Variants in ARHGAP5 observed in about 807,000 individuals in gnomAD.
The protein encoded by ARHGAP5 is rho GTPase-activating protein 5.
A neutral mutation model predicts 116.6 loss-of-function variants in ARHGAP5; 23 were observed. That is an observed-to-expected ratio of 0.20 (90% CI 0.14 to 0.28). The LOEUF (loss-of-function observed/expected upper bound fraction) is 0.28, where lower values mean the gene tolerates loss of function less well. Ranked by LOEUF, ARHGAP5 falls within the 10% of genes least tolerant of loss-of-function variation. ARHGAP5 has a pLI of 1.00. For missense variants in ARHGAP5, 1,405 were observed against 1,774.8 expected (o/e 0.79, Z 3.74); for synonymous variants, 574 against 602.0 (o/e 0.95, Z 0.68).
intron 6 of ARHGAP5, among the ~76,000 whole-genome samples, chr14:32,153,723 G>A (rs1358735006): frequency 2.6e-5 from 4 of 151,592 alleles, no homozygotes; most frequent in African/African-American, 9.7e-5. Flanking sequence ...CGCCTACCTC[G>A]GCCTCCCAAA....
Position 32,091,794 on chromosome 14 carries a change from G to C in ARHGAP5, c.1125G>C (p.Gln375His). The C allele has an allele frequency of 6.2e-7, 1 of 1,613,620 alleles. No homozygotes were observed. The highest frequency in any genetic ancestry group is 1.1e-5 in the South Asian group (1 of 91,062). The change falls in exon 2 of 7, where the codon CAG becomes CAC. Residue 375 changes from glutamine to histidine, a missense_variant. Transcript: ENST00000345122. The stretch of plus-strand genomic sequence containing the variant: ...TAATGGAAAAGAGAGCAGATTTCCA[G>C]TTATGTTTTGTGGTGCTAGAAAAAA... ...LKLMEKRADF[Q>H]LCFVVLEKTP...
chr14:32,104,596 C>T (rs571216325), intron 2 of ARHGAP5, among the ~76,000 whole-genome samples: 2 of 152,262 alleles, frequency 1.3e-5, no homozygotes, highest in South Asian at 4.1e-4. Flanking sequence ...CTGAAGGCTT[C>T]TTTCTTACAC....
chr14:32,143,763 A>C (rs1881246147), intron 3 of ARHGAP5, among the ~76,000 whole-genome samples: 3 of 152,214 alleles, frequency 2.0e-5, no homozygotes, highest in Admixed American at 2.0e-4. Context: ...TAGTGTGGAT[A>C]GTTAAGGGCC....
chr14:32,154,790 A>G lies in ARHGAP5; in HGVS notation c.4351A>G (p.Asn1451Asp). The change falls in exon 7 of 7, where the codon AAT becomes GAT. Residue 1451 changes from asparagine (N) to aspartate (D), a missense_variant. Coordinates refer to ENST00000345122, the MANE Select transcript of ARHGAP5 (RefSeq NM_001030055.2). ...TCAGCAGTGTCAGTTTTTCTTTTAC[A>G]ATGGAGAAATTGTAGAAACGACAAA... ...FIQQCQFFFY[N>D]GEIVETTNIV... The G allele has an allele frequency of 6.2e-7, 1 of 1,614,140 alleles. No homozygotes were observed. The highest frequency in any genetic ancestry group is 2.2e-5 in the East Asian group (1 of 44,874).
intron 5 of ARHGAP5, among the ~76,000 whole-genome samples, chr14:32,151,393 T>G (rs1881632908): frequency 6.6e-6 from 1 of 152,258 alleles, no homozygotes; most frequent in South Asian, 2.1e-4. Flanking sequence ...TTGCATAGAT[T>G]TGGAGAGTAA....
chr14:32,118,121 T>A (rs899003052), intron 3 of ARHGAP5, among the ~76,000 whole-genome samples: 1 of 152,218 alleles, frequency 6.6e-6, no homozygotes, highest in Non-Finnish European at 1.5e-5. Context: ...ATTTTTCACA[T>A]GTACACCTTG....
At chr14:32,085,295 T>A (rs1197090559) in intron 1 of ARHGAP5, among the ~76,000 whole-genome samples, 4 of 151,928 alleles carry the variant, frequency 2.6e-5, no homozygotes, top group Non-Finnish European at 5.9e-5. Context: ...AAATAATTTT[T>A]AAATATTAGC....
chr14:32,147,893 C>T (rs1189553394), intron 4 of ARHGAP5, among the ~76,000 whole-genome samples: 3 of 152,204 alleles, frequency 2.0e-5, no homozygotes, highest in Non-Finnish European at 4.4e-5. Flanking sequence ...TGGCTCACCC[C>T]TGTAATCCTA....
intron 2 of ARHGAP5, among the ~76,000 whole-genome samples, chr14:32,095,598 G>A (rs1167504240): frequency 6.6e-6 from 1 of 151,816 alleles, no homozygotes; most frequent in Non-Finnish European, 1.5e-5. Context: ...TTTTTAGTAG[G>A]ATGGGGTTTC....
In ARHGAP5 at chr14:32,091,674, A is replaced by G; in HGVS notation, c.1005A>G (p.Arg335=). Residue 335 remains arginine (R), a synonymous_variant, in exon 2 of 7, where the codon AGA becomes AGG. Coordinates refer to ENST00000345122, the MANE Select transcript of ARHGAP5 (RefSeq NM_001030055.2). ...QLKQEHIRKR[R]EEYINTLPRA... is the part of the protein sequence containing the mutation. ...AACAGGAACATATAAGAAAAAGGAG[A>G]GAAGAGTATATAAATACTTTACCAA... 5.0e-6 allele frequency: 8 copies of G among 1,609,590 alleles called. No homozygotes were observed. Among genetic ancestry groups the G allele is most frequent in the Non-Finnish European group, 6.8e-6 (8 of 1,178,564 alleles).
chr14:32,104,829 A>G lies in ARHGAP5; in HGVS notation c.3717+10443A>G, dbSNP rs577611628. Among the ~76,000 whole-genome samples the G allele has an allele frequency of 5.3e-5, 8 of 152,286 alleles. No individual in the cohort carries two copies. In the East Asian group the frequency reaches 1.5e-3, roughly 29 times the overall value. On this transcript the variant is annotated intron_variant, in intron 2 of 6. Transcript: ENST00000345122. The stretch of plus-strand genomic sequence containing the variant: ...AGAAATATATCTGTAGCTATTTCCC[A>G]AACTTGAGTTATTGGTCTTTGTTTT...
chr14:32,099,729 T>G (rs1330171842), intron 2 of ARHGAP5, among the ~76,000 whole-genome samples: 1 of 152,320 alleles, frequency 6.6e-6, no homozygotes, highest in South Asian at 2.1e-4. Context: ...AGTTAAATAC[T>G]CCTATAATTT....
At chr14:32,098,914 T>C (rs1878658881) in intron 2 of ARHGAP5, among the ~76,000 whole-genome samples, 1 of 152,158 alleles carries the variant, frequency 6.6e-6, no homozygotes, top group Admixed American at 6.5e-5. Context: ...ATTTCTTTCT[T>C]GTGATCACTC....
chr14:32,102,260 GT>G (rs1327245218), intron 2 of ARHGAP5, among the ~76,000 whole-genome samples: 1 of 152,204 alleles, frequency 6.6e-6, no homozygotes, highest in East Asian at 1.9e-4. Context: ...AATGAGAAAG[GT>G]TTTTTTCTAG....
Position 32,091,768 on chromosome 14 carries a change from T to G in ARHGAP5, c.1099T>G (p.Leu367Val). ...EHLNWSEALKLMEKRADFQLC... is the reference protein window; with the variant it reads ...EHLNWSEALKVMEKRADFQLC... Reference sequence around the variant, plus strand: ...TTTGAATTGGTCAGAAGCTTTGAAGTTAATGGAAAAGAGAGCAGATTTCCA... The same window carrying G: ...TTTGAATTGGTCAGAAGCTTTGAAGGTAATGGAAAAGAGAGCAGATTTCCA... The change falls in exon 2 of 7, where the codon TTA becomes GTA. Residue 367 changes from leucine to valine, a missense_variant. By Grantham distance (32) the Leu-to-Val change is conservative. Coordinates refer to ENST00000345122, the MANE Select transcript of ARHGAP5 (RefSeq NM_001030055.2). The G allele has an allele frequency of 6.2e-7, 1 of 1,613,684 alleles. No individual in the cohort carries two copies. Among genetic ancestry groups the G allele is most frequent in the Non-Finnish European group, 8.5e-7 (1 of 1,179,672 alleles).
chr14:32,092,956 G>A lies in ARHGAP5; in HGVS notation c.2287G>A (p.Val763Met), dbSNP rs189967153. Residue 763 changes from valine to methionine, a missense_variant, in exon 2 of 7, where the codon GTG (valine) becomes ATG (methionine). By Grantham distance (21) the Val-to-Met change is conservative. Coordinates refer to ENST00000345122, the MANE Select transcript of ARHGAP5 (RefSeq NM_001030055.2). The surrounding 1 kb of genome is among the most constrained non-coding windows in gnomAD (Gnocchi z 4.1). ...GGAATCAGTTAAACACAATTTGGAT[G>A]TGGTGAGCCCAATTCCTGCCAATAA... ...VLESVKHNLD[V>M]VSPIPANKDL... The A allele has an allele frequency of 3.5e-5, 57 of 1,614,034 alleles. No individual in the cohort carries two copies. The East Asian group carries it at 1.1e-3, about 32-fold the overall frequency.
chr14:32,098,444 T>C (rs1878636251), intron 2 of ARHGAP5, among the ~76,000 whole-genome samples: 1 of 152,180 alleles, frequency 6.6e-6, no homozygotes, highest in African/African-American at 2.4e-5. Context: ...GATAGCTAAA[T>C]TGTTAACTGG....
intron 3 of ARHGAP5, among the ~76,000 whole-genome samples, chr14:32,133,761 A>T (rs1447033745): frequency 6.6e-6 from 1 of 152,206 alleles, no homozygotes. Context: ...CATCCCATCA[A>T]TACCTAATTT....
intron 3 of ARHGAP5, among the ~76,000 whole-genome samples, chr14:32,144,379 T>C (rs1324258422): frequency 6.6e-6 from 1 of 152,080 alleles, no homozygotes; most frequent in Non-Finnish European, 1.5e-5. Context: ...ATTATTATTA[T>C]TATTATTTTG....
Sources: gnomAD v4.1 joint callset for allele counts (sites outside exome capture counted in the v4.1 genomes callset) on GRCh38, gnomAD v4.1.1 for gene constraint, Gnocchi (gnomAD v3.1) non-coding constraint, MANE v1.5 for transcripts, NCBI Gene and HGNC (gene_info 2026-07-23, HGNC 2026-07-21) for gene names.